Variants in CABCOCO1 observed in about 807,000 individuals in gnomAD.
CABCOCO1 encodes ciliary-associated calcium-binding coiled-coil protein 1.
A neutral mutation model predicts 35.7 loss-of-function variants in CABCOCO1; 28 were observed. The observed-to-expected ratio is 0.78, with a 90% confidence interval of 0.58 to 1.07. CABCOCO1 has a LOEUF of 1.07. CABCOCO1 is among the 50% of genes least tolerant of loss of function. The pLI, the probability that CABCOCO1 is intolerant of heterozygous loss-of-function variation, is 0.00. For missense variants in CABCOCO1, 326 were observed against 309.2 expected, an observed-to-expected ratio of 1.05 and a Z score of -0.41; for synonymous variants, 95 against 100.1, an observed-to-expected ratio of 0.95 and a Z score of 0.30.
At chr10:61,727,285 A>G (rs1841179587) in intron 5 of CABCOCO1, among the ~76,000 whole-genome samples, 1 of 152,148 alleles carries the variant, frequency 6.6e-6, no homozygotes, top group South Asian at 2.1e-4. Context: ...CACTAATAAA[A>G]CTGGAATTTT....
chr10:61,724,981 G>A (rs986899044), intron 5 of CABCOCO1, among the ~76,000 whole-genome samples: 5 of 152,254 alleles, frequency 3.3e-5, no homozygotes, highest in South Asian at 2.1e-4. Flanking sequence ...TCATCTTACC[G>A]AATATCTTTT....
At position 61,759,451 on chromosome 10, in the gene CABCOCO1, G is replaced by A. The variant is rs563637019; in HGVS notation, c.553-608G>A. ...CCTTCATTTCCAGTGTTAACCAACC[G>A]TCAGCCTCCTTCTGAGTGGCACGCT... On this transcript the variant is annotated intron_variant, in intron 5 of 7. Coordinates refer to ENST00000648843, the MANE Select transcript of CABCOCO1 (RefSeq NM_001366906.2). Among the ~76,000 whole-genome samples, 11 of 151,920 alleles carry A rather than the reference G, an allele frequency of 7.2e-5. No individual in the cohort carries two copies. In the East Asian group the frequency reaches 9.7e-4, roughly 13 times the overall value.
At chr10:61,683,047 C>T (rs923823932) in intron 3 of CABCOCO1, among the ~76,000 whole-genome samples, 8 of 152,086 alleles carry the variant, frequency 5.3e-5, no homozygotes, top group African/African-American at 9.6e-5. Flanking sequence ...TGCGCTACCA[C>T]GCCCAGCTAA....
chr10:61,695,780 C>G (rs566492004), intron 5 of CABCOCO1, among the ~76,000 whole-genome samples: 1 of 151,834 alleles, frequency 6.6e-6, no homozygotes, highest in East Asian at 1.9e-4. Flanking sequence ...AGAAAAAAAC[C>G]CTTTCTGTGA....
chr10:61,695,760 C>A (rs569529225), intron 5 of CABCOCO1, among the ~76,000 whole-genome samples: 4 of 151,818 alleles, frequency 2.6e-5, no homozygotes, highest in African/African-American at 9.7e-5. Flanking sequence ...CAATCTAGAA[C>A]TTCATTCCGA....
Position 61,766,071 on chromosome 10 carries a change from A to G in CABCOCO1, c.*58A>G, listed in dbSNP as rs1842102887. Reference sequence around the variant, plus strand: ...CACAGAAACAAACAAAACCAGCCAGAATAACAGACTCTCTGGAGCGTCGTG... The same window carrying G: ...CACAGAAACAAACAAAACCAGCCAGGATAACAGACTCTCTGGAGCGTCGTG... On this transcript the variant is annotated 3_prime_UTR_variant, in exon 8 of 8. Transcript: ENST00000648843. 1 of 1,459,726 alleles carries G rather than the reference A, an allele frequency of 6.9e-7. No homozygotes were observed. The highest frequency in any genetic ancestry group is 9.5e-7 in the Non-Finnish European group (1 of 1,050,404). The allele number at this position is 1,459,726 out of a possible 1,614,324, so 90.4% of individuals were successfully genotyped here. A position where few individuals can be genotyped will look rare whatever the true frequency, so the allele number is the denominator to read the frequency against.
intron 5 of CABCOCO1, among the ~76,000 whole-genome samples, chr10:61,739,827 A>G (rs1472997895): frequency 6.6e-6 from 1 of 152,188 alleles, no homozygotes; most frequent in African/African-American, 2.4e-5. Flanking sequence ...CTGTAGTCCC[A>G]GCTACACGGG....
At chr10:61,673,249 G>A (rs1839413228) in intron 2 of CABCOCO1, among the ~76,000 whole-genome samples, 2 of 152,270 alleles carry the variant, frequency 1.3e-5, no homozygotes, top group South Asian at 4.1e-4. Flanking sequence ...GGAATTTATA[G>A]GCAGTAATTC....
chr10:61,709,588 A>G (rs1840676429), intron 5 of CABCOCO1, among the ~76,000 whole-genome samples: 1 of 152,072 alleles, frequency 6.6e-6, no homozygotes, highest in Non-Finnish European at 1.5e-5. Context: ...ACTAAAAGAA[A>G]TGCCAATAAC....
intron 5 of CABCOCO1, among the ~76,000 whole-genome samples, chr10:61,696,819 T>G (rs1043593125): frequency 2.6e-5 from 4 of 152,036 alleles, no homozygotes; most frequent in Admixed American, 6.6e-5. Context: ...AAATATTTTA[T>G]ACACAAATAG....
At position 61,686,113 on chromosome 10, in the gene CABCOCO1, C is replaced by G. The variant is rs375832103; in HGVS notation, c.407C>G (p.Ser136Trp). The change falls in exon 4 of 8, where the codon TCG (serine) becomes TGG (tryptophan). Residue 136 changes from serine to tryptophan, a missense_variant. By Grantham distance (177) the Ser-to-Trp change is radical. Coordinates refer to ENST00000648843, the MANE Select transcript of CABCOCO1 (RefSeq NM_001366906.2). ...ATGGCTGAAATAGGACCAACACATT[C>G]GCAAAAGAGTGAGGACTGGAATATC... ...EVMAEIGPTH[S>W]QKSEDWNIFD... is the part of the protein sequence containing the mutation. The G allele has an allele frequency of 8.1e-6, 13 of 1,606,616 alleles. No homozygotes were observed. In the South Asian group the frequency reaches 1.3e-4, roughly 17 times the overall value.
At chr10:61,710,631 A>G (rs1489846895) in intron 5 of CABCOCO1, among the ~76,000 whole-genome samples, 1 of 151,948 alleles carries the variant, frequency 6.6e-6, no homozygotes, top group Admixed American at 6.6e-5. Context: ...AAGAATACAT[A>G]GAAAAGTGGA....
At chr10:61,739,871 G>T (rs1407376143) in intron 5 of CABCOCO1, among the ~76,000 whole-genome samples, 3 of 152,210 alleles carry the variant, frequency 2.0e-5, no homozygotes, top group African/African-American at 7.2e-5. Flanking sequence ...GAACCCAGAA[G>T]GCGGAGGCTG....
chr10:61,702,989 A>G lies in CABCOCO1; in HGVS notation c.552+12368A>G, dbSNP rs554305658. On this transcript the variant is annotated intron_variant, in intron 5 of 7. Transcript: ENST00000648843. Reference sequence around the variant, plus strand: ...AATAGTTTTGTGCCCGATCAAGGAAATAATATAAAGGGGGATGTGGTAGAG... The same window carrying G: ...AATAGTTTTGTGCCCGATCAAGGAAGTAATATAAAGGGGGATGTGGTAGAG... Among the ~76,000 whole-genome samples the G allele has an allele frequency of 9.2e-5, 14 of 152,238 alleles. No individual in the cohort carries two copies. The South Asian group carries it at 2.9e-3, about 32-fold the overall frequency.
chr10:61,669,150 T>A (rs529672164), intron 1 of CABCOCO1, among the ~76,000 whole-genome samples: 39 of 151,858 alleles, frequency 2.6e-4, no homozygotes, highest in Non-Finnish European at 3.8e-4. Context: ...TTATTAAAAA[T>A]TTTTTTTATA....
chr10:61,741,733 G>T (rs1841553008), intron 5 of CABCOCO1, among the ~76,000 whole-genome samples: 2 of 152,266 alleles, frequency 1.3e-5, no homozygotes, highest in South Asian at 4.1e-4. Context: ...AGAATATGAA[G>T]CCCAAAAAAG....
chr10:61,696,222 A>G (rs1023674773), intron 5 of CABCOCO1, among the ~76,000 whole-genome samples: 5 of 152,116 alleles, frequency 3.3e-5, no homozygotes, highest in Admixed American at 2.6e-4. Context: ...TAAATATTTA[A>G]TAAGTCAAGG....
At chr10:61,702,412 G>A (rs1840481726) in intron 5 of CABCOCO1, among the ~76,000 whole-genome samples, 1 of 152,046 alleles carries the variant, frequency 6.6e-6, no homozygotes, top group African/African-American at 2.4e-5. Flanking sequence ...ATGACAAAGT[G>A]GATTCCTTTC....
At chr10:61,679,368 A>G (rs929451395) in intron 2 of CABCOCO1, among the ~76,000 whole-genome samples, 1 of 151,418 alleles carries the variant, frequency 6.6e-6, no homozygotes, top group Admixed American at 6.6e-5. Context: ...ATCTCCCAGG[A>G]GGGGAAACCT....
Sources: gnomAD v4.1 joint callset for allele counts (sites outside exome capture counted in the v4.1 genomes callset) on GRCh38, gnomAD v4.1.1 for gene constraint, MANE v1.5 for transcripts, NCBI Gene and HGNC (gene_info 2026-07-23, HGNC 2026-07-21) for gene names.